STK40: variants seen among roughly 807,000 people sequenced by gnomAD.
STK40 encodes the protein serine/threonine kinase 40.
A neutral mutation model predicts 47.9 loss-of-function variants in STK40; 13 were observed. That is an observed-to-expected ratio of 0.27 (90% CI 0.18 to 0.43). STK40 has a LOEUF of 0.43. STK40 is among the 20% of genes least tolerant of loss of function. STK40 has a pLI of 1.00. For missense variants in STK40, 460 were observed against 595.1 expected (o/e 0.77, Z 2.36); for synonymous variants, 225 against 243.2 (o/e 0.93, Z 0.69).
intron 1 of STK40, among the ~76,000 whole-genome samples, chr1:36,379,638 C>G (rs1647023331): frequency 1.3e-5 from 2 of 152,052 alleles, no homozygotes; most frequent in Admixed American, 1.3e-4. Flanking sequence ...CCTCGGCCTC[C>G]TAAAGTGCTG....
rs114928212 is a variant in STK40, at chr1:36,378,914, G to A, written c.-9+6809C>T. Among the ~76,000 whole-genome samples the A allele has an allele frequency of 8.4e-3, 1,284 of 152,256 alleles. 18 individuals carry two copies. Among genetic ancestry groups the A allele is most frequent in the African/African-American group, 0.029 (1,214 of 41,546 alleles). ...AGCAGGACTCTTGCTCCCCAGGGTT[G>A]GCAGATGCCAGCAACAGGATTCCAA... On this transcript the variant is annotated intron_variant, in intron 1 of 10. Transcript: ENST00000373132.
intron 6 of STK40, 66 bp downstream of exon 6, chr1:36,354,298 G>A: frequency 6.4e-7 from 1 of 1,554,144 alleles, no homozygotes; most frequent in Non-Finnish European, 8.9e-7. Context: ...GGGCACTGGA[G>A]AGTTGCAATG....
chr1:36,342,238 T>A (rs2124722557), intron 10 of STK40: 2 of 501,364 alleles, frequency 4.0e-6, no homozygotes, highest in East Asian at 3.6e-5. Context: ...ACTGGCTGCG[T>A]GAGAGGTCAC....
intron 1 of STK40, among the ~76,000 whole-genome samples, chr1:36,375,775 C>T (rs1557524187): frequency 6.6e-6 from 1 of 152,134 alleles, no homozygotes; most frequent in Non-Finnish European, 1.5e-5. Context: ...AATCCCAGCA[C>T]TTTGGGAGGC....
chr1:36,373,079 T>C (rs948987378), intron 1 of STK40, among the ~76,000 whole-genome samples: 5 of 152,106 alleles, frequency 3.3e-5, no homozygotes, highest in Admixed American at 6.6e-5. Context: ...CGGGCTCAAA[T>C]TTCAACTTCT....
chr1:36,341,791 G>A lies in STK40; in HGVS notation c.1272C>T (p.Asp424=), dbSNP rs762527980. ...GGTAGCGCTGCGCCAGGATGGCCGTGTCCAAGGAGGTCATGGGCTGTGCGT... is the reference window on the plus strand; with the variant it reads ...GGTAGCGCTGCGCCAGGATGGCCGTATCCAAGGAGGTCATGGGCTGTGCGT... ...GHDAQPMTSL[D]TAILAQRYLR... Residue 424 remains aspartate (D), a synonymous_variant, in exon 11 of 11, where the codon GAC becomes GAT. Transcript: ENST00000373132. 1.2e-6 allele frequency: 2 copies of A among 1,612,700 alleles called. No individual in the cohort carries two copies. Among genetic ancestry groups the A allele is most frequent in the Admixed American group, 3.3e-5 (2 of 60,018 alleles).
At chr1:36,382,165 T>C (rs4653184) in intron 1 of STK40, among the ~76,000 whole-genome samples, 33,005 of 151,956 alleles carry the variant, frequency 0.22, 3,838 homozygotes, top group Non-Finnish European at 0.27. Flanking sequence ...AAATTCTAAA[T>C]ACATTTACTC....
chr1:36,367,684 A>G (rs544648787), intron 1 of STK40, among the ~76,000 whole-genome samples: 31 of 147,014 alleles, frequency 2.1e-4, no homozygotes, highest in Non-Finnish European at 4.4e-4. Flanking sequence ...GATGGCACTG[A>G]GCAGATGAAA....
In STK40 at chr1:36,358,839, T is replaced by G. The variant is rs1340014094; in HGVS notation, c.113-17A>C. The G allele has an allele frequency of 1.2e-6, 2 of 1,614,008 alleles. No homozygotes were observed. The highest frequency in any genetic ancestry group is 1.3e-5 in the African/African-American group (1 of 75,030). ...GACGGGGACCTACGGCACAGAGAGCTGCTGGTCTACTTTTCAGAAGCCCTG... is the reference window on the plus strand; with the variant it reads ...GACGGGGACCTACGGCACAGAGAGCGGCTGGTCTACTTTTCAGAAGCCCTG... On this transcript the variant is annotated splice_polypyrimidine_tract_variant and intron_variant, in intron 2 of 10. Transcript: ENST00000373132.
intron 1 of STK40, among the ~76,000 whole-genome samples, chr1:36,366,412 T>G (rs991675846): frequency 6.6e-6 from 1 of 152,144 alleles, no homozygotes; most frequent in Non-Finnish European, 1.5e-5. Flanking sequence ...CTGCCACCCC[T>G]TCATGCTACC....
intron 1 of STK40, among the ~76,000 whole-genome samples, chr1:36,376,095 A>C (rs1360769292): frequency 1.3e-5 from 2 of 152,086 alleles, no homozygotes; most frequent in African/African-American, 2.4e-5. Flanking sequence ...CTGAATGTTG[A>C]GGGCTATGGC....
chr1:36,344,819 T>C (rs943263925), intron 7 of STK40, among the ~76,000 whole-genome samples: 13 of 152,348 alleles, frequency 8.5e-5, no homozygotes, highest in Admixed American at 3.9e-4. Context: ...AAATGAAGGA[T>C]GGCCACTTAA....
intron 6 of STK40, among the ~76,000 whole-genome samples, chr1:36,351,495 C>T (rs1646752375): frequency 6.6e-6 from 1 of 152,136 alleles, no homozygotes; most frequent in African/African-American, 2.4e-5. Context: ...GTGAGTCTCT[C>T]TGCACCACAC....
At chr1:36,348,847 A>C in intron 6 of STK40, 32 bp from the exon 7 acceptor site, 23 of 1,551,420 alleles carry the variant, frequency 1.5e-5, no homozygotes, top group Non-Finnish European at 2.0e-5. Context: ...AACAAACCTC[A>C]GTGTCTATAG....
chr1:36,345,233 G>A lies in STK40; in HGVS notation c.740-969C>T, dbSNP rs78183918. Among the ~76,000 whole-genome samples the A allele has an allele frequency of 6.5e-3, 991 of 152,346 alleles. 8 individuals are homozygous for A. Among genetic ancestry groups the A allele is most frequent in the African/African-American group, 0.022 (931 of 41,576 alleles). ...ACCCCAGAACACAACTCCGTTCTCC[G>A]TGGGTGTGGAAGAGACGCTGCCAGG... is the stretch of plus-strand genomic sequence containing the variant. On this transcript the variant is annotated intron_variant, in intron 7 of 10. Coordinates refer to ENST00000373132, the MANE Select transcript of STK40 (RefSeq NM_001282547.2).
chr1:36,380,184 G>A (rs943944061), intron 1 of STK40, among the ~76,000 whole-genome samples: 2 of 152,208 alleles, frequency 1.3e-5, no homozygotes, highest in Admixed American at 6.5e-5. Context: ...GACTACCTTC[G>A]AGGTCAGAGT....
chr1:36,358,083 A>G (rs1285466343), intron 4 of STK40, among the ~76,000 whole-genome samples, 156 bp downstream of exon 4: 2 of 152,168 alleles, frequency 1.3e-5, no homozygotes, highest in Admixed American at 1.3e-4. Flanking sequence ...CTTCCAGCCC[A>G]GCCCATCTCA....
At chr1:36,349,882 G>C (rs1457124615) in intron 6 of STK40, among the ~76,000 whole-genome samples, 1 of 152,184 alleles carries the variant, frequency 6.6e-6, no homozygotes, top group African/African-American at 2.4e-5. Flanking sequence ...TGTGTCGGCT[G>C]GCTGGGTGGA....
rs143287658 is a variant in STK40, at chr1:36,341,776, C to T, written c.1287G>A (p.Ala429=). ...GCTGTTATTTCCGCAGGTAGCGCTG[C>T]GCCAGGATGGCCGTGTCCAAGGAGG... ...PMTSLDTAIL[A]QRYLRK Residue 429 remains alanine, a synonymous_variant, in exon 11 of 11, where the codon GCG becomes GCA. Transcript: ENST00000373132. 33 of 1,611,908 alleles carry T rather than the reference C, an allele frequency of 2.0e-5. No individual in the cohort carries two copies. The African/African-American group carries it at 2.1e-4, about 10-fold the overall frequency.
Sources: allele counts gnomAD v4.1 joint callset (sites outside exome capture counted in the v4.1 genomes callset), GRCh38; gene constraint gnomAD v4.1.1; transcripts MANE v1.5; gene names NCBI Gene and HGNC (gene_info 2026-07-23, HGNC 2026-07-21).